The following KCNN2 variants were observed in gnomAD, a reference collection of about 807,000 sequenced individuals.
KCNN2 encodes potassium calcium-activated channel subfamily N member 2.
A neutral mutation model predicts 55.5 loss-of-function variants in KCNN2; 24 were observed. The ratio of observed to expected loss-of-function variants is 0.43; its 90% confidence interval spans 0.31 to 0.61. KCNN2 has a LOEUF of 0.61. Among genes scored for constraint, KCNN2 ranks in the 20% least tolerant of loss-of-function variants. The pLI, the probability that KCNN2 is intolerant of heterozygous loss-of-function variation, is 0.08. For synonymous variants in KCNN2, 431 were observed against 336.1 expected (o/e 1.28, Z -3.09); for missense variants, 754 against 853.6 (o/e 0.88, Z 1.45).
chr5:114,433,804 A>G (rs1157532837), intron 3 of KCNN2: 1 of 153,724 alleles, frequency 6.5e-6, no homozygotes, highest in Non-Finnish European at 1.4e-5. Context: ...AACTCCGAAC[A>G]CATCCGAACA....
intron 1 of KCNN2, among the ~76,000 whole-genome samples, chr5:114,202,590 T>A (rs1368981264): frequency 5.3e-4 from 74 of 138,896 alleles, no homozygotes; most frequent in African/African-American, 1.8e-3. Context: ...TATATATTTT[T>A]TTTTTTTTTT....
In KCNN2 at chr5:114,152,409, A is replaced by G. The variant is rs75365683; in HGVS notation, c.-270-69071A>G. Among the ~76,000 whole-genome samples the G allele has an allele frequency of 8.1e-3, 1,227 of 152,326 alleles. 12 individuals carry two copies. Among genetic ancestry groups the G allele is most frequent in the African/African-American group, 0.027 (1,142 of 41,578 alleles). ...AAATCACCAAATAAACTCAAAAAAG[A>G]TTCTCTAATCCAATGTTATGTTTAG... On this transcript the variant is annotated intron_variant, in intron 1 of 10. Transcript: ENST00000512097.
At chr5:114,129,512 C>T (rs1181128785) in intron 1 of KCNN2, among the ~76,000 whole-genome samples, 2 of 152,170 alleles carry the variant, frequency 1.3e-5, no homozygotes, top group Admixed American at 1.3e-4. Context: ...TGTCTGTGGT[C>T]ACAAAACCTT....
intron 5 of KCNN2, among the ~76,000 whole-genome samples, chr5:114,477,242 G>T (rs980597954): frequency 1.3e-5 from 2 of 152,120 alleles, no homozygotes; most frequent in Non-Finnish European, 2.9e-5. Context: ...AATGTTAAAA[G>T]ATAGTCTGTT....
At chr5:114,292,187 T>G (rs1755905023) in intron 2 of KCNN2, among the ~76,000 whole-genome samples, 1 of 148,694 alleles carries the variant, frequency 6.7e-6, no homozygotes, top group South Asian at 2.1e-4. Context: ...CAGAAGCTCT[T>G]TAGTTTAATT....
chr5:114,358,891 A>C (rs545233648), upstream of KCNN2, among the ~76,000 whole-genome samples: 8 of 152,236 alleles, frequency 5.3e-5, no homozygotes, highest in Non-Finnish European at 1.2e-4. Flanking sequence ...ACTTTATTAA[A>C]AGAGGAATGA....
chr5:114,078,160 A>T (rs182880538), intron 1 of KCNN2, among the ~76,000 whole-genome samples: 1 of 152,342 alleles, frequency 6.6e-6, no homozygotes, highest in Non-Finnish European at 1.5e-5. Flanking sequence ...GGGTATTAAA[A>T]TGATTAAAAT....
chr5:114,084,377 CG>C (rs1483601658), intron 1 of KCNN2, among the ~76,000 whole-genome samples: 9 of 151,984 alleles, frequency 5.9e-5, no homozygotes, highest in African/African-American at 1.9e-4. Flanking sequence ...TTGATACATA[CG>C]TTATGGTATT....
chr5:114,346,604 A>G (rs529175539), intron 2 of KCNN2, among the ~76,000 whole-genome samples: 42 of 152,284 alleles, frequency 2.8e-4, no homozygotes, highest in African/African-American at 9.9e-4. Context: ...TTCTAAATAT[A>G]TATACACAGA....
intron 2 of KCNN2, among the ~76,000 whole-genome samples, chr5:114,375,952 G>GTGTATATATATATATATATA (rs1249028214): frequency 5.4e-4 from 57 of 104,692 alleles, no homozygotes; most frequent in Non-Finnish European, 7.1e-4. Context: ...GACTCACAGT[G>GTGTATATATATATATATATA]TATATATATA....
At chr5:114,421,119 G>T (rs337716) in intron 3 of KCNN2, among the ~76,000 whole-genome samples, 23,349 of 151,836 alleles carry the variant, frequency 0.15, 3,394 homozygotes, top group African/African-American at 0.39. Flanking sequence ...CATAGCCTTG[G>T]ATATTCTTGA....
In KCNN2 at chr5:114,405,419, T is replaced by G. The variant is rs183466097; in HGVS notation, c.1637+563T>G. 5.3e-5 allele frequency among the ~76,000 whole-genome samples: 8 copies of G among 152,356 alleles called. No homozygotes were observed. The East Asian group carries it at 1.5e-3, about 29-fold the overall frequency. ...CAGGCAATGTGTATTTGTTTTAATG[T>G]CTGCAGCGCTCTGGTGGTCTAGACC... On this transcript the variant is annotated intron_variant, in intron 3 of 7. Transcript: ENST00000673685.
intron 1 of KCNN2, among the ~76,000 whole-genome samples, chr5:114,108,780 C>T (rs1751537808): frequency 6.6e-6 from 1 of 151,994 alleles, no homozygotes; most frequent in African/African-American, 2.4e-5. Context: ...TATCAATTGA[C>T]AGTGGATTGT....
chr5:114,316,576 C>T (rs1756507179), intron 2 of KCNN2, among the ~76,000 whole-genome samples: 1 of 152,122 alleles, frequency 6.6e-6, no homozygotes, highest in Non-Finnish European at 1.5e-5. Flanking sequence ...ATAATAGTTT[C>T]ACTTTGATCC....
At chr5:114,299,124 A>ATTCT (rs1307505874) in intron 2 of KCNN2, among the ~76,000 whole-genome samples, 1 of 71,560 alleles carries the variant, frequency 1.4e-5, no homozygotes, top group African/African-American at 5.6e-5. Context: ...CCTTCCTCTT[A>ATTCT]TTCTTTCTTT....
intron 1 of KCNN2, among the ~76,000 whole-genome samples, chr5:114,211,854 T>C (rs77371351): frequency 0.019 from 2,904 of 152,026 alleles, 86 homozygotes; most frequent in African/African-American, 0.066. Flanking sequence ...GGCTCACTAC[T>C]CCTCCATATT....
chr5:114,393,581 T>TAA (rs560049724), intron 2 of KCNN2, among the ~76,000 whole-genome samples: 1 of 150,558 alleles, frequency 6.6e-6, no homozygotes, highest in Non-Finnish European at 1.5e-5. Flanking sequence ...ATCTCCAAAG[T>TAA]AAAAAAAAAG....
chr5:114,222,879 G>A (rs929267793), intron 2 of KCNN2, among the ~76,000 whole-genome samples: 1 of 152,110 alleles, frequency 6.6e-6, no homozygotes, highest in Non-Finnish European at 1.5e-5. Flanking sequence ...TGAAACTGGT[G>A]GTGTGACTAC....
At chr5:114,475,315 C>T (rs1456065112) in intron 5 of KCNN2, among the ~76,000 whole-genome samples, 2 of 151,792 alleles carry the variant, frequency 1.3e-5, no homozygotes, top group Non-Finnish European at 2.9e-5. Context: ...CCTGTGTGTT[C>T]TGGATGTTTC....
Sources: gnomAD v4.1 joint callset for allele counts (sites outside exome capture counted in the v4.1 genomes callset) on GRCh38, gnomAD v4.1.1 for gene constraint, MANE v1.5 for transcripts, NCBI Gene and HGNC (gene_info 2026-07-23, HGNC 2026-07-21) for gene names.